WASHC4: variants seen among roughly 807,000 people sequenced by gnomAD.
WASHC4 encodes the protein WASH complex subunit 4.
WASHC4 carries 86 observed loss-of-function variants against 166.6 expected under a neutral mutation model. The observed-to-expected ratio is 0.52, with a 90% CI of 0.43 to 0.62. WASHC4 has a LOEUF of 0.62. Among genes scored for constraint, WASHC4 ranks in the 20% least tolerant of loss-of-function variants. WASHC4 has a pLI of 0.00. For missense variants in WASHC4, 1,262 were observed against 1,382.4 expected (o/e 0.91, Z 1.38); for synonymous variants, 446 against 451.6 (o/e 0.99, Z 0.16).
chr12:105,111,999 G>A (rs530801588), intron 2 of WASHC4, among the ~76,000 whole-genome samples: 1 of 152,204 alleles, frequency 6.6e-6, no homozygotes, highest in African/African-American at 2.4e-5. Flanking sequence ...ATGTTAGAAC[G>A]TTCTCAGCCC....
At chr12:105,150,589 G>A (rs1183171691) in intron 25 of WASHC4, among the ~76,000 whole-genome samples, 3 of 152,200 alleles carry the variant, frequency 2.0e-5, no homozygotes, top group Non-Finnish European at 4.4e-5. Context: ...TTTGAGACCA[G>A]CGTGGGCAAC....
intron 26 of WASHC4, among the ~76,000 whole-genome samples, chr12:105,154,134 G>A (rs1041781581): frequency 1.2e-4 from 18 of 151,430 alleles, no homozygotes; most frequent in Non-Finnish European, 2.5e-4. Context: ...AGGTTCAAGC[G>A]ATTCTCCCGC....
chr12:105,147,546 G>A (rs748254425), intron 24 of WASHC4: 8 of 973,752 alleles, frequency 8.2e-6, no homozygotes, highest in Non-Finnish European at 9.9e-6. Context: ...TTGGGGCAGG[G>A]TTTGCTAATT....
At chr12:105,151,092 C>T (rs1313268607) in intron 25 of WASHC4, among the ~76,000 whole-genome samples, 1 of 140,236 alleles carries the variant, frequency 7.1e-6, no homozygotes, top group Non-Finnish European at 1.5e-5. Flanking sequence ...TTGCAGTGAG[C>T]CGAGATAATG....
At chr12:105,152,044 G>A (rs549100435) in intron 25 of WASHC4, among the ~76,000 whole-genome samples, 1 of 152,218 alleles carries the variant, frequency 6.6e-6, no homozygotes, top group African/African-American at 2.4e-5. Context: ...GTGAACAGGT[G>A]TTTCTGGGAG....
chr12:105,167,142 A>T lies in WASHC4; in HGVS notation c.*211A>T, dbSNP rs1884856338. ...GTTAAGAATGAGATTTTAAAATTGG[A>T]TTTTTGCCTGGACTTGAGGGTACAA... On this transcript the variant is annotated 3_prime_UTR_variant, in exon 33 of 33. Transcript: ENST00000332180. 7.6e-6 allele frequency: 4 copies of T among 529,680 alleles called. No individual in the cohort carries two copies. The South Asian group carries it at 9.4e-5, about 12-fold the overall frequency. The allele number at this position is 529,680 out of a possible 1,614,324, so 32.8% of individuals were successfully genotyped here.
chr12:105,139,903 A>G (rs893144529), intron 15 of WASHC4, among the ~76,000 whole-genome samples: 16 of 143,096 alleles, frequency 1.1e-4, no homozygotes, highest in African/African-American at 4.1e-4. Context: ...TTTTTTTTTG[A>G]GACGGAGTCT....
intron 14 of WASHC4, among the ~76,000 whole-genome samples, chr12:105,134,589 T>C (rs373928164): frequency 1.2e-4 from 19 of 152,268 alleles, no homozygotes; most frequent in African/African-American, 4.6e-4. Context: ...ATATTCCTTG[T>C]TATCTCTAGT....
At chr12:105,121,927 G>A (rs1880790640) in intron 9 of WASHC4, among the ~76,000 whole-genome samples, 191 bp from the exon 10 acceptor site, 1 of 152,104 alleles carries the variant, frequency 6.6e-6, no homozygotes, top group African/African-American at 2.4e-5. Context: ...TACAGATTAT[G>A]AGGCATTTTG....
intron 13 of WASHC4, 42 bp downstream of exon 13, chr12:105,127,331 C>A: frequency 7.5e-7 from 1 of 1,342,112 alleles, no homozygotes; most frequent in South Asian, 1.2e-5. Context: ...TTTAGATATC[C>A]TTTATTTTCA....
intron 10 of WASHC4, among the ~76,000 whole-genome samples, chr12:105,123,595 G>A (rs1880992144): frequency 6.6e-6 from 1 of 152,184 alleles, no homozygotes; most frequent in Admixed American, 6.5e-5. Flanking sequence ...TGGGGAAGCT[G>A]TAGAAGAAAA....
chr12:105,128,786 A>AT lies in WASHC4; in HGVS notation c.1199+1506dup, dbSNP rs575190809. Among the ~76,000 whole-genome samples, 1,209 of 136,680 alleles carry AT rather than the reference A, an allele frequency of 8.8e-3. 20 individuals carry two copies. Among genetic ancestry groups the AT allele is most frequent in the African/African-American group, 0.03 (1,096 of 36,468 alleles). The allele number at this position is 136,680 out of a possible 152,430, so 89.7% of individuals were successfully genotyped here. A position where few individuals can be genotyped will look rare whatever the true frequency, so the allele number is the denominator to read the frequency against. On this transcript the variant is annotated intron_variant, in intron 13 of 32. Transcript: ENST00000332180. ...AAATTCCGTTTTGTTTTTTTTTTTG[A>AT]TTTTTTTTTAGAGACCGAGTCTCGC... is the stretch of plus-strand genomic sequence containing the variant.
intron 24 of WASHC4, chr12:105,148,554 C>G: frequency 1.0e-6 from 1 of 984,514 alleles, no homozygotes; most frequent in Non-Finnish European, 1.2e-6. Flanking sequence ...AGAATAGTTA[C>G]CCACTATTAA....
Position 105,114,383 on chromosome 12 carries a change from GT to G in WASHC4, c.280del (p.Tyr94MetfsTer11), listed in dbSNP as rs2135724023. ...CTAGGTCTTAAACAAAGTCATCACTGTTTATGCTGCACTTTGTTGTGAAATC... is the reference window on the plus strand; with the variant it reads ...CTAGGTCTTAAACAAAGTCATCACTGTTATGCTGCACTTTGTTGTGAAATC... ...ENKVLNKVIT[V>X]YAALCCEIKK... is the part of the protein sequence containing the mutation. On this transcript the variant is annotated frameshift_variant, in exon 4 of 33. Coordinates refer to ENST00000332180, the MANE Select transcript of WASHC4 (RefSeq NM_015275.3). LOFTEE classifies it high-confidence loss of function. 1 of 1,599,316 alleles carries G rather than the reference GT, an allele frequency of 6.3e-7. No homozygotes were observed. Among genetic ancestry groups the G allele is most frequent in the Non-Finnish European group, 8.5e-7 (1 of 1,171,164 alleles).
At chr12:105,114,645 G>A (rs775919551) in intron 4 of WASHC4, among the ~76,000 whole-genome samples, 2 of 151,976 alleles carry the variant, frequency 1.3e-5, no homozygotes, top group Non-Finnish European at 2.9e-5. Flanking sequence ...AGGTAGGTGA[G>A]ACATTGATGA....
intron 6 of WASHC4, among the ~76,000 whole-genome samples, chr12:105,117,701 T>C (rs901584625): frequency 1.7e-4 from 26 of 152,350 alleles, no homozygotes; most frequent in Middle Eastern, 6.8e-3. Flanking sequence ...GCTGGTGATA[T>C]AGCAATGCAC....
At chr12:105,166,783 T>C (rs1419055452) in intron 32 of WASHC4, 81 bp from the exon 33 acceptor site, 1 of 962,910 alleles carries the variant, frequency 1.0e-6, no homozygotes, top group East Asian at 2.6e-5. Context: ...AATACAGCTC[T>C]TCTCAAATTT....
intron 29 of WASHC4, among the ~76,000 whole-genome samples, chr12:105,161,017 A>G (rs1455370751): frequency 6.6e-6 from 1 of 152,180 alleles, no homozygotes; most frequent in Non-Finnish European, 1.5e-5. Context: ...GGAGTTAAGA[A>G]TTTTTGAGAG....
intron 22 of WASHC4, 93 bp downstream of exon 22, chr12:105,144,965 A>T: frequency 8.1e-7 from 1 of 1,235,718 alleles, no homozygotes; most frequent in South Asian, 1.3e-5. Context: ...TTTAGTTAGT[A>T]TGTGCTTATT....
Sources: allele counts gnomAD v4.1 joint callset (sites outside exome capture counted in the v4.1 genomes callset), GRCh38; gene constraint gnomAD v4.1.1; transcripts MANE v1.5; gene names NCBI Gene and HGNC (gene_info 2026-07-23, HGNC 2026-07-21).